BCL11B: variants seen among roughly 807,000 people sequenced by gnomAD.
The protein encoded by BCL11B is B-cell lymphoma/leukemia 11B.
Under a neutral mutation model 49.9 loss-of-function variants are expected in BCL11B, and 8 were observed. The ratio of observed to expected loss-of-function variants is 0.16; its 90% confidence interval spans 0.09 to 0.29. The LOEUF (loss-of-function observed/expected upper bound fraction) is 0.29. Among genes scored for constraint, BCL11B ranks in the 10% least tolerant of loss-of-function variants. BCL11B has a pLI of 1.00. For synonymous variants in BCL11B, 739 were observed against 637.4 expected, an observed-to-expected ratio of 1.16 and a Z score of -2.40; for missense variants, 1,006 against 1,351.0, an observed-to-expected ratio of 0.74 and a Z score of 4.00.
chr14:99,215,385 A>G (rs1887805024), intron 3 of BCL11B, among the ~76,000 whole-genome samples: 1 of 152,252 alleles, frequency 6.6e-6, no homozygotes, highest in Non-Finnish European at 1.5e-5. Context: ...GCCCCTGCCA[A>G]AGAAAACGCA....
intron 3 of BCL11B, among the ~76,000 whole-genome samples, chr14:99,199,683 T>TGTGTGTGCGCGCGCGC (rs759599743): frequency 5.7e-4 from 42 of 73,732 alleles, no homozygotes; most frequent in African/African-American, 1.2e-3. Context: ...TGTGTGTGTG[T>TGTGTGTGCGCGCGCGC]GCGCGCGCGC....
At chr14:99,182,002 G>T (rs555516435) in intron 3 of BCL11B, among the ~76,000 whole-genome samples, 1 of 152,222 alleles carries the variant, frequency 6.6e-6, no homozygotes, top group South Asian at 2.1e-4. Flanking sequence ...CTTTCATGAC[G>T]TCAGAAAGGA....
At chr14:99,217,207 CACAT>C (rs1417913039) in intron 3 of BCL11B, among the ~76,000 whole-genome samples, 1 of 152,148 alleles carries the variant, frequency 6.6e-6, no homozygotes, top group Non-Finnish European at 1.5e-5. Flanking sequence ...CATGCATGCT[CACAT>C]ATACACTCAG....
Position 99,174,129 on chromosome 14 carries a change from CGG to C in BCL11B, c.*20_*21del. Reference sequence around the variant, plus strand: ...TGGCAACGGTTCCACTGTACAGGTGCGGGGCGCCGGGGCCCGCGCGCTTAGCT... The same window carrying C: ...TGGCAACGGTTCCACTGTACAGGTGCGGCGCCGGGGCCCGCGCGCTTAGCT... On this transcript the variant is annotated 3_prime_UTR_variant, in exon 4 of 4. Coordinates refer to ENST00000357195, the MANE Select transcript of BCL11B (RefSeq NM_138576.4). 1 of 1,603,536 alleles carries C rather than the reference CGG, an allele frequency of 6.2e-7. No homozygotes were observed. Among genetic ancestry groups the C allele is most frequent in the Non-Finnish European group, 8.5e-7 (1 of 1,177,270 alleles).
rs573930636 is a variant in BCL11B at position 99,222,834 on chromosome 14, T to G, written c.640+8511A>C. On this transcript the variant is annotated intron_variant, in intron 3 of 3. Transcript: ENST00000357195. The stretch of plus-strand genomic sequence containing the variant: ...AGCCCAGCCCTTTAATTTCTTTATT[T>G]CCCTTTCTTTCTTTCTTTCTTTCTT... 9.4e-5 allele frequency among the ~76,000 whole-genome samples: 14 copies of G among 148,960 alleles called. No individual in the cohort carries two copies. In the South Asian group the frequency reaches 2.9e-3, roughly 31 times the overall value.
intron 3 of BCL11B, among the ~76,000 whole-genome samples, chr14:99,203,580 T>G (rs908941770): frequency 3.3e-5 from 5 of 152,208 alleles, no homozygotes; most frequent in African/African-American, 1.2e-4. Context: ...TACTATGTGC[T>G]AGGCACCATG....
chr14:99,233,578 A>T (rs1186499847), intron 2 of BCL11B, among the ~76,000 whole-genome samples: 1 of 152,144 alleles, frequency 6.6e-6, no homozygotes, highest in Non-Finnish European at 1.5e-5. Context: ...CTGAGAAACC[A>T]GCAGAAGCAG....
Position 99,242,043 on chromosome 14 carries a change from C to T in BCL11B, c.428-10486G>A, listed in dbSNP as rs999374503. Among the ~76,000 whole-genome samples the T allele has an allele frequency of 5.9e-5, 9 of 152,042 alleles. No individual in the cohort carries two copies. Among genetic ancestry groups the T allele is most frequent in the Non-Finnish European group, 1.3e-4 (9 of 68,012 alleles). ...TAAGGAAAGGGTGGGTAGAAGGGGA[C>T]AGGAAAAGGGGAGTGGGGAGGACAT... On this transcript the variant is annotated intron_variant, in intron 2 of 3. Coordinates refer to ENST00000357195, the MANE Select transcript of BCL11B (RefSeq NM_138576.4). The surrounding 1 kb of genome is among the most constrained non-coding windows in gnomAD (Gnocchi z 4.4).
chr14:99,213,402 T>C lies in BCL11B; in HGVS notation c.640+17943A>G, dbSNP rs1457891449. Among the ~76,000 whole-genome samples the C allele has an allele frequency of 1.3e-5, 2 of 152,190 alleles. No individual in the cohort carries two copies. The highest frequency in any genetic ancestry group is 2.9e-5 in the Non-Finnish European group (2 of 68,036). On this transcript the variant is annotated intron_variant, in intron 3 of 3. Transcript: ENST00000357195. The surrounding 1 kb of genome is among the most constrained non-coding windows in gnomAD (Gnocchi z 5.1). ...TGAGGTATAATTGAATGGATTAACA[T>C]GAATGCGACGTTTCCCCTCCAAAAA...
chr14:99,225,943 C>G (rs1050033818), intron 3 of BCL11B, among the ~76,000 whole-genome samples: 3 of 152,232 alleles, frequency 2.0e-5, no homozygotes, highest in African/African-American at 7.2e-5. Flanking sequence ...CTTCTCCTGG[C>G]ACTTCCTCCG....
intron 3 of BCL11B, among the ~76,000 whole-genome samples, chr14:99,190,782 C>CA (rs1281583627): frequency 6.6e-6 from 1 of 152,144 alleles, no homozygotes; most frequent in Non-Finnish European, 1.5e-5. Context: ...GCAAATATTT[C>CA]AGAGAAAAAC....
rs558315822 is a variant in BCL11B, at chr14:99,267,383, G to A, written c.58+3778C>T. Among the ~76,000 whole-genome samples, 13 of 152,204 alleles carry A rather than the reference G, an allele frequency of 8.5e-5. No homozygotes were observed. In the East Asian group the frequency reaches 2.3e-3, roughly 27 times the overall value. ...TTAGGGGCTGTTAAAATATGCTCACGGCTGTTTTCTCTCAGGTGTGAATTA... is the reference window on the plus strand; with the variant it reads ...TTAGGGGCTGTTAAAATATGCTCACAGCTGTTTTCTCTCAGGTGTGAATTA... On this transcript the variant is annotated intron_variant, in intron 1 of 3. Transcript: ENST00000357195.
chr14:99,175,645 G>C lies in BCL11B; in HGVS notation c.1191C>G (p.Pro397=). ...TGCTCAGGAACGGGGACTTGGGGCTGGGCTGGAAGGGGTTCAGGAGCCGGT... is the reference window on the plus strand; with the variant it reads ...TGCTCAGGAACGGGGACTTGGGGCTCGGCTGGAAGGGGTTCAGGAGCCGGT... ...PMHRLLNPFQ[P]SPKSPFLSTP... The change falls in exon 4 of 4, where the codon CCC becomes CCG. Residue 397 remains proline, a synonymous_variant. Transcript: ENST00000357195. 6.4e-7 allele frequency: 1 copy of C among 1,560,388 alleles called. No individual in the cohort carries two copies. Among genetic ancestry groups the C allele is most frequent in the Non-Finnish European group, 8.6e-7 (1 of 1,163,034 alleles).
intron 3 of BCL11B, among the ~76,000 whole-genome samples, chr14:99,202,720 A>G (rs1007934314): frequency 6.6e-6 from 1 of 151,918 alleles, no homozygotes; most frequent in African/African-American, 2.4e-5. Context: ...GGGCAGTCCA[A>G]CCTCCCCAGC....
At chr14:99,223,536 A>G (rs967599881) in intron 3 of BCL11B, among the ~76,000 whole-genome samples, 3 of 152,202 alleles carry the variant, frequency 2.0e-5, no homozygotes, top group Non-Finnish European at 4.4e-5. Flanking sequence ...CAATTCACAC[A>G]ATTCTGTTTA....
At chr14:99,246,387 A>T (rs1360669009) in intron 2 of BCL11B, among the ~76,000 whole-genome samples, 1 of 152,144 alleles carries the variant, frequency 6.6e-6, no homozygotes, top group Admixed American at 6.5e-5. Context: ...TCAAAGAGAG[A>T]GGGAAGGAGG....
At chr14:99,178,108 C>T (rs992866615) in intron 3 of BCL11B, among the ~76,000 whole-genome samples, 2 of 152,246 alleles carry the variant, frequency 1.3e-5, no homozygotes, top group African/African-American at 4.8e-5. Context: ...AGACTCCCCC[C>T]GCGACCTCAG....
In BCL11B at chr14:99,192,996, C is replaced by T. The variant is rs1887080362; in HGVS notation, c.641-16801G>A. Among the ~76,000 whole-genome samples the T allele has an allele frequency of 6.6e-6, 1 of 152,122 alleles. No individual in the cohort carries two copies. The highest frequency in any genetic ancestry group is 2.4e-5 in the African/African-American group (1 of 41,406). On this transcript the variant is annotated intron_variant, in intron 3 of 3. Coordinates refer to ENST00000357195, the MANE Select transcript of BCL11B (RefSeq NM_138576.4). The surrounding 1 kb of genome is among the most constrained non-coding windows in gnomAD (Gnocchi z 4.0). ...GAGTGAATAAGTGAGTGCAAGACAG[C>T]AGGATGGGGCTAAGAGGGGCTAAGA...
At position 99,272,065 on chromosome 14, in the gene BCL11B, C is replaced by G. The variant is rs1889705899; in HGVS notation, c.-847G>C. Among the ~76,000 whole-genome samples the G allele has an allele frequency of 2.0e-5, 3 of 151,846 alleles. No individual in the cohort carries two copies. The highest frequency in any genetic ancestry group is 2.0e-4 in the Admixed American group (3 of 15,268). ...CAGCGCTCCCCTGGCGCCGCGGGCC[C>G]GGGGGGAGCGGGGCGGAGGGGCGGC... is the stretch of plus-strand genomic sequence containing the variant. On this transcript the variant is annotated 5_prime_UTR_variant, in exon 1 of 4. Coordinates refer to ENST00000357195, the MANE Select transcript of BCL11B (RefSeq NM_138576.4). The surrounding 1 kb of genome is among the most constrained non-coding windows in gnomAD (Gnocchi z 6.0).
Sources: gnomAD v4.1 joint callset for allele counts (sites outside exome capture counted in the v4.1 genomes callset) on GRCh38, gnomAD v4.1.1 for gene constraint, Gnocchi (gnomAD v3.1) non-coding constraint, MANE v1.5 for transcripts, NCBI Gene and HGNC (gene_info 2026-07-23, HGNC 2026-07-21) for gene names.